Variants in UXS1 observed in about 807,000 individuals in gnomAD.
UXS1 encodes the protein UDP-glucuronic acid decarboxylase 1.
A neutral mutation model predicts 62.6 loss-of-function variants in UXS1; 33 were observed. The observed-to-expected ratio is 0.53, with a 90% confidence interval of 0.40 to 0.70. The LOEUF (loss-of-function observed/expected upper bound fraction) is 0.70, where lower values mean the gene tolerates loss of function less well. UXS1 is among the 30% of genes least tolerant of loss of function. The pLI, the probability that UXS1 is intolerant of heterozygous loss-of-function variation, is 0.00. For missense variants in UXS1, 434 were observed against 556.3 expected (o/e 0.78, Z 2.21); for synonymous variants, 213 against 206.8 (o/e 1.03, Z -0.26).
intron 5 of UXS1, among the ~76,000 whole-genome samples, chr2:106,153,703 A>T (rs1451648177): frequency 6.6e-6 from 1 of 152,182 alleles, no homozygotes; most frequent in African/African-American, 2.4e-5. Context: ...AAAACAACAA[A>T]GCAATAAAAA....
chr2:106,178,568 GTA>G (rs72444409), intron 1 of UXS1, among the ~76,000 whole-genome samples: 7,233 of 151,812 alleles, frequency 0.048, 313 homozygotes, highest in African/African-American at 0.11. Context: ...GTGTGTGTGT[GTA>G]TATATATATG....
Position 106,148,172 on chromosome 2 carries a change from G to C in UXS1, c.292-2802C>G, listed in dbSNP as rs145564508. Among the ~76,000 whole-genome samples, 4 of 152,278 alleles carry C rather than the reference G, an allele frequency of 2.6e-5. No individual in the cohort carries two copies. In the East Asian group the frequency reaches 7.7e-4, roughly 29 times the overall value. On this transcript the variant is annotated intron_variant, in intron 5 of 14. Coordinates refer to ENST00000283148, the MANE Select transcript of UXS1 (RefSeq NM_001253875.2). Reference sequence around the variant, plus strand: ...TACTGCCTGTCAATTTGTCTGGTTCGTGTTTCATCTTAAGAGCTCCCACAT... The same window carrying C: ...TACTGCCTGTCAATTTGTCTGGTTCCTGTTTCATCTTAAGAGCTCCCACAT...
chr2:106,145,530 C>T (rs1243347069), intron 5 of UXS1, 160 bp from the exon 6 acceptor site: 3 of 810,782 alleles, frequency 3.7e-6, no homozygotes, highest in Non-Finnish European at 5.5e-6. Flanking sequence ...AGCATCTTGA[C>T]TCTTACTGCA....
chr2:106,171,535 C>T (rs991527807), intron 1 of UXS1, among the ~76,000 whole-genome samples: 6 of 152,156 alleles, frequency 3.9e-5, no homozygotes, highest in Non-Finnish European at 7.3e-5. Context: ...ACCATCAATT[C>T]AGAATCCATA....
chr2:106,127,973 C>T (rs893176883), intron 7 of UXS1, among the ~76,000 whole-genome samples: 1 of 152,154 alleles, frequency 6.6e-6, no homozygotes, highest in Non-Finnish European at 1.5e-5. Context: ...GTTCAGCAGC[C>T]CCCAACCCCC....
At chr2:106,174,628 C>T (rs1683762478) in intron 1 of UXS1, among the ~76,000 whole-genome samples, 2 of 152,140 alleles carry the variant, frequency 1.3e-5, no homozygotes, top group South Asian at 4.1e-4. Flanking sequence ...CTGTGTGGGG[C>T]GCACGTAGTG....
chr2:106,152,978 T>C (rs1406513695), intron 5 of UXS1, among the ~76,000 whole-genome samples: 1 of 152,158 alleles, frequency 6.6e-6, no homozygotes, highest in Non-Finnish European at 1.5e-5. Context: ...ACAGAGGTAC[T>C]GAAAACAGTG....
intron 6 of UXS1, chr2:106,138,703 G>C: frequency 1.0e-6 from 1 of 985,470 alleles, no homozygotes; most frequent in Non-Finnish European, 1.2e-6. Flanking sequence ...TGCTGCTCCG[G>C]AAGGCTGAGG....
intron 11 of UXS1, chr2:106,101,966 T>C (rs990244452): frequency 6.6e-6 from 1 of 152,176 alleles, no homozygotes; most frequent in Non-Finnish European, 1.5e-5. Flanking sequence ...CCCTTCTCCT[T>C]CTCCTCCTCC....
chr2:106,145,039 C>T (rs533427056), intron 6 of UXS1, 151 bp downstream of exon 6: 88 of 825,928 alleles, frequency 1.1e-4, no homozygotes, highest in Middle Eastern at 3.7e-4. Flanking sequence ...CAGACTAGGA[C>T]GGCACCTCAT....
intron 6 of UXS1, among the ~76,000 whole-genome samples, chr2:106,130,645 G>A (rs1353577241): frequency 6.6e-6 from 1 of 152,160 alleles, no homozygotes; most frequent in East Asian, 1.9e-4. Flanking sequence ...CCTCTGCCCG[G>A]GCCTTCCGGG....
intron 11 of UXS1, among the ~76,000 whole-genome samples, chr2:106,103,601 A>C (rs1022688987): frequency 3.3e-5 from 5 of 152,214 alleles, no homozygotes; most frequent in African/African-American, 1.2e-4. Context: ...ACAGTCCCAA[A>C]GCGGGGGCAG....
chr2:106,130,717 A>G lies in UXS1; in HGVS notation c.473-939T>C, dbSNP rs563744233. On this transcript the variant is annotated intron_variant, in intron 6 of 14. Transcript: ENST00000283148. Reference sequence around the variant, plus strand: ...CCCAGTGCCGGGAATGGAAGAGCTGAAGATCAAGCCTTGAGCCACAGCAGG... The same window carrying G: ...CCCAGTGCCGGGAATGGAAGAGCTGGAGATCAAGCCTTGAGCCACAGCAGG... Among the ~76,000 whole-genome samples the G allele has an allele frequency of 6.6e-5, 10 of 152,316 alleles. No individual in the cohort carries two copies. In the South Asian group the frequency reaches 1.7e-3, roughly 25 times the overall value.
chr2:106,098,134 C>T (rs1294922500), intron 13 of UXS1, among the ~76,000 whole-genome samples: 1 of 152,210 alleles, frequency 6.6e-6, no homozygotes, highest in Non-Finnish European at 1.5e-5. Context: ...AGACACCCTC[C>T]AAGAGTCTGA....
At chr2:106,166,257 A>C (rs942356477) in intron 1 of UXS1, 174 bp from the exon 2 acceptor site, 4 of 661,832 alleles carry the variant, frequency 6.0e-6, no homozygotes, top group Non-Finnish European at 1.0e-5. Context: ...CTACAAAATA[A>C]GTAAAAACAG....
At chr2:106,164,006 A>C (rs1683060807) in intron 3 of UXS1, among the ~76,000 whole-genome samples, 1 of 152,234 alleles carries the variant, frequency 6.6e-6, no homozygotes, top group Non-Finnish European at 1.5e-5. Flanking sequence ...AAACAGATCA[A>C]CACTATCCAT....
chr2:106,194,017 C>T, intron 1 of UXS1, 131 bp downstream of exon 1: 1 of 573,254 alleles, frequency 1.7e-6, no homozygotes, highest in Non-Finnish European at 2.6e-6. Flanking sequence ...CAGAAAGCGC[C>T]GGCCCCGCCC....
At chr2:106,116,127 T>C (rs1412846535) in intron 9 of UXS1, among the ~76,000 whole-genome samples, 2 of 152,082 alleles carry the variant, frequency 1.3e-5, no homozygotes, top group African/African-American at 2.4e-5. Flanking sequence ...AGGCAAGAGG[T>C]GACCCAAGAG....
intron 13 of UXS1, among the ~76,000 whole-genome samples, 183 bp downstream of exon 13, chr2:106,098,533 C>T (rs968794122): frequency 6.6e-6 from 1 of 152,210 alleles, no homozygotes; most frequent in African/African-American, 2.4e-5. Context: ...AGAAACCAAT[C>T]CTGCCCTCCT....
Sources: allele counts gnomAD v4.1 joint callset (sites outside exome capture counted in the v4.1 genomes callset), GRCh38; gene constraint gnomAD v4.1.1; transcripts MANE v1.5; gene names NCBI Gene and HGNC (gene_info 2026-07-23, HGNC 2026-07-21).